The following KIAA1549L variants were observed in gnomAD, a reference collection of about 807,000 sequenced individuals.
KIAA1549L encodes KIAA1549 like.
KIAA1549L carries 88 observed loss-of-function variants against 160.7 expected under a neutral mutation model. The observed-to-expected ratio is 0.55, with a 90% confidence interval of 0.46 to 0.65. KIAA1549L has a LOEUF of 0.65. Among genes scored for constraint, KIAA1549L ranks in the 30% least tolerant of loss-of-function variants. The pLI is 0.00. For synonymous variants in KIAA1549L, 950 were observed against 976.7 expected, an observed-to-expected ratio of 0.97 and a Z score of 0.51; for missense variants, 2,258 against 2,437.5, an observed-to-expected ratio of 0.93 and a Z score of 1.55.
Position 33,543,991 on chromosome 11 carries a change from T to C in KIAA1549L, c.2428T>C (p.Ser810Pro). 6.2e-7 allele frequency: 1 copy of C among 1,613,962 alleles called. No individual in the cohort carries two copies. The highest frequency in any genetic ancestry group is 8.5e-7 in the Non-Finnish European group (1 of 1,179,884). ...DLWPTSNNNHSRDFQTAEVAY... is the reference protein window; with the variant it reads ...DLWPTSNNNHPRDFQTAEVAY... ...CTGGCCCACAAGCAATAACAACCAT[T>C]CCAGAGACTTCCAAACAGCTGAAGT... Residue 810 changes from serine to proline, a missense_variant, in exon 2 of 21, where the codon TCC becomes CCC. Around this residue, in one of 6 missense-constraint regions of KIAA1549L, gnomAD observed 287 missense variants for 292.3 expected, o/e 0.98. Transcript: ENST00000658780.
intron 16 of KIAA1549L, among the ~76,000 whole-genome samples, chr11:33,645,093 G>T (rs1188536726): frequency 6.6e-6 from 1 of 152,210 alleles, no homozygotes; most frequent in Non-Finnish European, 1.5e-5. Context: ...ATTTGAACAG[G>T]CATCGGAATC....
intron 15 of KIAA1549L, among the ~76,000 whole-genome samples, chr11:33,615,221 C>T (rs1019177535): frequency 6.6e-6 from 1 of 152,146 alleles, no homozygotes; most frequent in African/African-American, 2.4e-5. Flanking sequence ...GATGGAGTTG[C>T]TCTGATGGAA....
At chr11:33,633,139 CTTTTTTTTTTTTTT>C (rs56310347) in intron 16 of KIAA1549L, among the ~76,000 whole-genome samples, 163 of 50,736 alleles carry the variant, frequency 3.2e-3, no homozygotes, top group African/African-American at 0.013. Context: ...CCATGCCCAG[CTTTTTTTTTTTTTT>C]TTTTTTTTTT....
chr11:33,512,530 C>T (rs772440395), intron 1 of KIAA1549L, among the ~76,000 whole-genome samples: 1 of 152,104 alleles, frequency 6.6e-6, no homozygotes, highest in Non-Finnish European at 1.5e-5. Flanking sequence ...TCAAATGATC[C>T]TCCGACTTCA....
chr11:33,380,761 CTCT>C (rs1459237050), intron 1 of KIAA1549L, among the ~76,000 whole-genome samples: 1 of 152,032 alleles, frequency 6.6e-6, no homozygotes, highest in African/African-American at 2.4e-5. Context: ...GAATACTTAG[CTCT>C]TCTTGATGAA....
At chr11:33,602,733 T>G (rs912683295) in intron 13 of KIAA1549L, among the ~76,000 whole-genome samples, 2 of 152,242 alleles carry the variant, frequency 1.3e-5, no homozygotes, top group African/African-American at 4.8e-5. Flanking sequence ...AATCATGCAT[T>G]AAAAATCCCC....
intron 1 of KIAA1549L, among the ~76,000 whole-genome samples, chr11:33,519,261 A>AT (rs902689980): frequency 1.8e-4 from 27 of 151,874 alleles, no homozygotes; most frequent in Non-Finnish European, 4.0e-4. Context: ...ATTTCAATCC[A>AT]TTTTTTTTGA....
chr11:33,651,865 T>TC (rs1414330423), intron 17 of KIAA1549L, among the ~76,000 whole-genome samples: 14 of 3,472 alleles, frequency 4.0e-3, no homozygotes, highest in African/African-American at 9.9e-3. Flanking sequence ...TCCCCTCCCC[T>TC]CCCCTCCCCC....
At chr11:33,403,833 TGAG>T (rs774005784) in intron 1 of KIAA1549L, among the ~76,000 whole-genome samples, 1 of 152,208 alleles carries the variant, frequency 6.6e-6, no homozygotes, top group Non-Finnish European at 1.5e-5. Flanking sequence ...ACACTGTTCT[TGAG>T]GAGAGAGCTA....
chr11:33,482,564 C>G (rs151255824), intron 1 of KIAA1549L, among the ~76,000 whole-genome samples: 56 of 142,774 alleles, frequency 3.9e-4, no homozygotes, highest in African/African-American at 1.4e-3. Flanking sequence ...TTTGCATATG[C>G]TATACTTTTT....
At chr11:33,642,813 C>G (rs889632446) in intron 16 of KIAA1549L, among the ~76,000 whole-genome samples, 2 of 152,162 alleles carry the variant, frequency 1.3e-5, no homozygotes, top group African/African-American at 2.4e-5. Flanking sequence ...TACTGACATA[C>G]TGATTCTTTG....
intron 10 of KIAA1549L, among the ~76,000 whole-genome samples, chr11:33,581,721 T>G (rs1005579659): frequency 6.6e-6 from 1 of 152,340 alleles, no homozygotes; most frequent in Middle Eastern, 3.4e-3. Context: ...GACTTTGTAC[T>G]TTTAGGTAAT....
At chr11:33,570,004 C>G (rs1453174067) in intron 9 of KIAA1549L, among the ~76,000 whole-genome samples, 3 of 46,466 alleles carry the variant, frequency 6.5e-5, no homozygotes, top group Non-Finnish European at 1.6e-4. Context: ...CTCTCTCTCT[C>G]TCTTTTTTTT....
intron 17 of KIAA1549L, among the ~76,000 whole-genome samples, chr11:33,653,433 A>G (rs535990216): frequency 1.5e-4 from 23 of 152,192 alleles, no homozygotes; most frequent in Non-Finnish European, 2.8e-4. Flanking sequence ...CTCTCTGAGC[A>G]CTTTGCATTC....
intron 1 of KIAA1549L, among the ~76,000 whole-genome samples, chr11:33,442,807 C>T (rs1851536505): frequency 1.3e-5 from 2 of 152,128 alleles, no homozygotes; most frequent in Admixed American, 6.5e-5. Flanking sequence ...GTGTGTTAAA[C>T]TTCACTCTGT....
intron 17 of KIAA1549L, among the ~76,000 whole-genome samples, chr11:33,654,384 T>C (rs559963591): frequency 6.6e-6 from 1 of 152,386 alleles, no homozygotes; most frequent in East Asian, 1.9e-4. Flanking sequence ...TTTTCTACTC[T>C]TTTTAACTTC....
intron 1 of KIAA1549L, among the ~76,000 whole-genome samples, chr11:33,511,604 T>A (rs945514439): frequency 4.6e-5 from 7 of 152,202 alleles, no homozygotes; most frequent in Admixed American, 3.3e-4. Flanking sequence ...ATCTGAGCTA[T>A]CTGGTAAAAT....
Position 33,668,001 on chromosome 11 carries a change from C to T in KIAA1549L, c.6288C>T (p.Pro2096=). 1 of 1,613,954 alleles carries T rather than the reference C, an allele frequency of 6.2e-7. No individual in the cohort carries two copies. Among genetic ancestry groups the T allele is most frequent in the Non-Finnish European group, 8.5e-7 (1 of 1,179,910 alleles). The change falls in exon 21 of 21, where the codon CCC becomes CCT. Residue 2096 remains proline, a synonymous_variant. Transcript: ENST00000658780. ...CCAGCCTGGAGCAGGCCCCGGCGCCCTCCACAGCGGCCTCGCAGCAGAGCC... is the reference window on the plus strand; with the variant it reads ...CCAGCCTGGAGCAGGCCCCGGCGCCTTCCACAGCGGCCTCGCAGCAGAGCC... ...LHPSLEQAPA[P]STAASQQSLA...
chr11:33,513,259 G>A (rs1853266571), intron 1 of KIAA1549L, among the ~76,000 whole-genome samples: 2 of 152,186 alleles, frequency 1.3e-5, no homozygotes, highest in South Asian at 2.1e-4. Flanking sequence ...GGTAGAGAGT[G>A]GAGTCTTCTC....
Sources: allele counts gnomAD v4.1 joint callset (sites outside exome capture counted in the v4.1 genomes callset), GRCh38; gene constraint gnomAD v4.1.1; regional missense constraint gnomAD v4.1.1; transcripts MANE v1.5; gene names NCBI Gene and HGNC (gene_info 2026-07-23, HGNC 2026-07-21).